The following DLGAP1 variants were observed in gnomAD, a reference collection of about 807,000 sequenced individuals.
The protein encoded by DLGAP1 is disks large-associated protein 1.
A neutral mutation model predicts 90.8 loss-of-function variants in DLGAP1; 11 were observed. The observed-to-expected ratio is 0.12, with a 90% confidence interval of 0.08 to 0.20. The LOEUF is 0.20. DLGAP1 is among the 10% of genes least tolerant of loss of function. The probability of loss-of-function intolerance (pLI) is 1.00; values close to 1 mark genes in which losing one functional copy is unlikely to be tolerated. For missense variants in DLGAP1, 1,050 were observed against 1,333.8 expected, an observed-to-expected ratio of 0.79 and a Z score of 3.31; for synonymous variants, 558 against 540.7, an observed-to-expected ratio of 1.03 and a Z score of -0.44.
At chr18:3,621,188 A>G (rs1288089173) in intron 7 of DLGAP1, among the ~76,000 whole-genome samples, 1 of 152,166 alleles carries the variant, frequency 6.6e-6, no homozygotes, top group East Asian at 1.9e-4. Flanking sequence ...AGCTATGATT[A>G]TTATACCTGC....
intron 2 of DLGAP1, among the ~76,000 whole-genome samples, chr18:4,038,058 G>T (rs983997255): frequency 6.6e-6 from 1 of 152,108 alleles, no homozygotes; most frequent in East Asian, 1.9e-4. Flanking sequence ...TAATCAATTT[G>T]CTCACTCTAA....
intron 1 of DLGAP1, among the ~76,000 whole-genome samples, chr18:4,410,790 C>T (rs965095903): frequency 5.3e-5 from 8 of 152,144 alleles, no homozygotes; most frequent in East Asian, 1.9e-4. Context: ...CAAACTATTG[C>T]TATGCACGAC....
At chr18:3,833,083 T>C (rs529948674) in intron 4 of DLGAP1, among the ~76,000 whole-genome samples, 4 of 152,252 alleles carry the variant, frequency 2.6e-5, no homozygotes, top group African/African-American at 7.2e-5. Context: ...CCCTATTACA[T>C]TGGTGGTGTA....
At chr18:3,890,320 T>G (rs2071427390) in intron 3 of DLGAP1, among the ~76,000 whole-genome samples, 1 of 152,182 alleles carries the variant, frequency 6.6e-6, no homozygotes, top group Non-Finnish European at 1.5e-5. Context: ...AGAGGGGTGG[T>G]CAGATACCAT....
intron 2 of DLGAP1, among the ~76,000 whole-genome samples, chr18:4,022,052 A>G (rs568298230): frequency 6.6e-6 from 1 of 152,214 alleles, no homozygotes; most frequent in Non-Finnish European, 1.5e-5. Context: ...CAGTAAGTTC[A>G]CATTGTATGA....
At chr18:4,241,445 T>A (rs190771307) in intron 1 of DLGAP1, among the ~76,000 whole-genome samples, 21 of 152,292 alleles carry the variant, frequency 1.4e-4, no homozygotes, top group Admixed American at 6.5e-4. Context: ...GTTATGATAA[T>A]GAAATCTCAC....
chr18:3,961,730 G>A (rs1369761421), intron 3 of DLGAP1, among the ~76,000 whole-genome samples: 2 of 152,202 alleles, frequency 1.3e-5, no homozygotes, highest in African/African-American at 4.8e-5. Context: ...GGGCCTCAGG[G>A]CCAACTGACT....
chr18:3,854,045 T>A (rs139692631), intron 4 of DLGAP1, among the ~76,000 whole-genome samples: 1 of 152,194 alleles, frequency 6.6e-6, no homozygotes, highest in African/African-American at 2.4e-5. Flanking sequence ...ATTTCTATTA[T>A]CTTCTTTATG....
intron 2 of DLGAP1, among the ~76,000 whole-genome samples, chr18:4,105,919 C>T (rs930305932): frequency 3.3e-5 from 5 of 151,292 alleles, no homozygotes; most frequent in Admixed American, 6.6e-5. Flanking sequence ...GTAGTCCCAG[C>T]TACTCGGGAG....
Position 4,335,351 on chromosome 18 carries a change from G to C in DLGAP1, c.-267+119655C>G, listed in dbSNP as rs542639092. On this transcript the variant is annotated intron_variant, in intron 1 of 12. Transcript: ENST00000315677. ...TTCCACAGCATGATCCACTACACGA[G>C]AGAAAAGACAAGGATCATTCCTAGG... Among the ~76,000 whole-genome samples, 13 of 152,070 alleles carry C rather than the reference G, an allele frequency of 8.5e-5. No homozygotes were observed. The South Asian group carries it at 1.0e-3, about 12-fold the overall frequency.
chr18:4,002,416 G>T, intron 3 of DLGAP1, among the ~76,000 whole-genome samples: 1 of 152,158 alleles, frequency 6.6e-6, no homozygotes, highest in South Asian at 2.1e-4. Context: ...CCCCGAGACA[G>T]CAAGACCAGA....
intron 1 of DLGAP1, among the ~76,000 whole-genome samples, chr18:4,315,447 G>A (rs1283884591): frequency 6.6e-6 from 1 of 152,104 alleles, no homozygotes; most frequent in Non-Finnish European, 1.5e-5. Flanking sequence ...ATTAGCTTTT[G>A]ATTTATATTT....
chr18:4,044,774 A>C (rs907073726), intron 2 of DLGAP1, among the ~76,000 whole-genome samples: 7 of 152,024 alleles, frequency 4.6e-5, no homozygotes. Flanking sequence ...AAACAAAACA[A>C]ACAAACAAAC....
intron 5 of DLGAP1, among the ~76,000 whole-genome samples, chr18:3,752,479 T>G (rs886195492): frequency 2.0e-5 from 3 of 151,810 alleles, no homozygotes; most frequent in Admixed American, 6.6e-5. Flanking sequence ...CTTCTTTAAC[T>G]TAGCATGATA....
chr18:4,042,160 A>T (rs2074985144), intron 2 of DLGAP1, among the ~76,000 whole-genome samples: 1 of 152,188 alleles, frequency 6.6e-6, no homozygotes, highest in Non-Finnish European at 1.5e-5. Context: ...CCATAATACT[A>T]GATTGGACAG....
chr18:3,880,944 G>GAAAAAAAAA (rs1173817359), intron 3 of DLGAP1, among the ~76,000 whole-genome samples: 1 of 38,374 alleles, frequency 2.6e-5, no homozygotes, highest in Non-Finnish European at 5.3e-5. Flanking sequence ...CTCCATCTCA[G>GAAAAAAAAA]AAAAAAAAAA....
At chr18:3,555,988 G>A (rs569589) in intron 9 of DLGAP1, among the ~76,000 whole-genome samples, 1 of 151,862 alleles carries the variant, frequency 6.6e-6, no homozygotes, top group African/African-American at 2.4e-5. Context: ...CTATTTGAGT[G>A]CTTAATAGAC....
At chr18:3,808,145 C>T (rs1157899688) in intron 5 of DLGAP1, among the ~76,000 whole-genome samples, 1 of 152,132 alleles carries the variant, frequency 6.6e-6, no homozygotes, top group East Asian at 1.9e-4. Context: ...AAGCTGATTT[C>T]TAACAAATAT....
intron 1 of DLGAP1, among the ~76,000 whole-genome samples, chr18:4,235,827 G>T (rs1192896151): frequency 7.1e-6 from 1 of 140,388 alleles, no homozygotes; most frequent in African/African-American, 2.6e-5. Context: ...CCGGGTTCAA[G>T]CAATTCTCCT....
Sources: allele counts gnomAD v4.1 joint callset (sites outside exome capture counted in the v4.1 genomes callset), GRCh38; gene constraint gnomAD v4.1.1; transcripts MANE v1.5; gene names NCBI Gene and HGNC (gene_info 2026-07-23, HGNC 2026-07-21).